Variants in ATRNL1 observed in about 807,000 individuals in gnomAD.
ATRNL1 encodes attractin like 1.
Under a neutral mutation model 182.7 loss-of-function variants are expected in ATRNL1, and 95 were observed. That is an observed-to-expected ratio of 0.52 (90% confidence interval 0.44 to 0.62). The LOEUF (loss-of-function observed/expected upper bound fraction) is 0.62. Among genes scored for constraint, ATRNL1 ranks in the 20% least tolerant of loss-of-function variants. The pLI, the probability that ATRNL1 is intolerant of heterozygous loss-of-function variation, is 0.00. For missense variants in ATRNL1, 1,471 were observed against 1,679.5 expected, an observed-to-expected ratio of 0.88 and a Z score of 2.17; for synonymous variants, 576 against 568.3, an observed-to-expected ratio of 1.01 and a Z score of -0.19.
intron 19 of ATRNL1, among the ~76,000 whole-genome samples, chr10:115,344,478 A>C (rs2134103835): frequency 6.6e-6 from 1 of 152,116 alleles, no homozygotes; most frequent in South Asian, 2.1e-4. Flanking sequence ...AGGGCTCTTA[A>C]GTAAGCTTAT....
rs781928537 is a variant in ATRNL1, at chr10:115,266,804, T to A, written c.1780T>A (p.Tyr594Asn). ...HSAVVINGSM[Y>N]IFGGFSSVLL... ...TTGTTTTGTTTTTAATAGGTCCATG[T>A]ATATATTTGGGGGATTTTCTAGTGT... Residue 594 changes from tyrosine (Y) to asparagine (N), a missense_variant, in exon 12 of 29, where the codon TAT becomes AAT. Tyr to Asn is a moderately radical substitution (Grantham distance 143). Transcript: ENST00000355044. 1 of 1,599,376 alleles carries A rather than the reference T, an allele frequency of 6.3e-7. No homozygotes were observed. Among genetic ancestry groups the A allele is most frequent in the Admixed American group, 1.7e-5 (1 of 59,482 alleles).
chr10:115,909,404 G>A (rs1395053349), intron 28 of ATRNL1: 4 of 152,024 alleles, frequency 2.6e-5, no homozygotes, highest in East Asian at 1.9e-4. Flanking sequence ...CTAAGACAAA[G>A]CCCTTATGAG....
intron 28 of ATRNL1, among the ~76,000 whole-genome samples, chr10:115,937,802 A>G (rs1049242677): frequency 1.3e-5 from 2 of 152,222 alleles, no homozygotes; most frequent in African/African-American, 4.8e-5. Context: ...TAAAAGAACT[A>G]CAAATACAGC....
intron 26 of ATRNL1, among the ~76,000 whole-genome samples, chr10:115,600,768 T>G (rs1278154972): frequency 1.3e-5 from 2 of 152,010 alleles, no homozygotes; most frequent in Admixed American, 6.5e-5. Context: ...GGTTTGTGTT[T>G]TCTTTGTTCT....
chr10:115,341,949 AT>A (rs1227337462), intron 19 of ATRNL1, among the ~76,000 whole-genome samples: 7 of 151,666 alleles, frequency 4.6e-5, no homozygotes, highest in Non-Finnish European at 7.4e-5. Flanking sequence ...ATTATTGAGT[AT>A]TTTTTTTCCA....
At chr10:115,101,809 C>T (rs541022329) in intron 1 of ATRNL1, among the ~76,000 whole-genome samples, 3 of 152,242 alleles carry the variant, frequency 2.0e-5, no homozygotes, top group African/African-American at 7.2e-5. Flanking sequence ...ACCATCGACA[C>T]CCTCTAGGCC....
intron 13 of ATRNL1, among the ~76,000 whole-genome samples, chr10:115,273,901 C>T (rs74159844): frequency 0.021 from 3,121 of 152,214 alleles, 106 homozygotes; most frequent in African/African-American, 0.07. Flanking sequence ...GATAGAGTGC[C>T]GCTGTGCATA....
intron 18 of ATRNL1, among the ~76,000 whole-genome samples, chr10:115,327,176 A>G (rs1554933577): frequency 6.6e-6 from 1 of 151,926 alleles, no homozygotes; most frequent in Admixed American, 6.6e-5. Context: ...AGTTTTCGCA[A>G]CCTACTCATC....
At chr10:115,924,454 G>A (rs1027483757) in intron 28 of ATRNL1, among the ~76,000 whole-genome samples, 9 of 152,090 alleles carry the variant, frequency 5.9e-5, no homozygotes, top group Admixed American at 2.0e-4. Flanking sequence ...TCCTGTTTCA[G>A]TTTTCTGCAT....
At chr10:115,518,739 A>G (rs958115608) in intron 24 of ATRNL1, among the ~76,000 whole-genome samples, 5 of 152,030 alleles carry the variant, frequency 3.3e-5, no homozygotes, top group Admixed American at 6.6e-5. Flanking sequence ...TATGATCTCT[A>G]TAATGTTAAC....
chr10:115,182,999 G>C (rs1847806247), intron 8 of ATRNL1, among the ~76,000 whole-genome samples: 1 of 151,422 alleles, frequency 6.6e-6, no homozygotes, highest in African/African-American at 2.4e-5. Context: ...TATAGAGAAT[G>C]TTGTCTTCTC....
chr10:115,935,727 T>C (rs1002151326), intron 28 of ATRNL1, among the ~76,000 whole-genome samples: 3 of 152,232 alleles, frequency 2.0e-5, no homozygotes, highest in Non-Finnish European at 4.4e-5. Flanking sequence ...AGATAATGAA[T>C]GTAAAAGCAT....
chr10:115,183,310 G>T (rs1163831197), intron 8 of ATRNL1, among the ~76,000 whole-genome samples: 1 of 151,150 alleles, frequency 6.6e-6, no homozygotes, highest in Non-Finnish European at 1.5e-5. Flanking sequence ...CAAAAAGCTA[G>T]AAAAAGAATA....
intron 19 of ATRNL1, among the ~76,000 whole-genome samples, chr10:115,367,613 AGTTTTTCTGTTCT>A (rs1857123138): frequency 1.3e-5 from 2 of 151,222 alleles, no homozygotes; most frequent in Non-Finnish European, 3.0e-5. Context: ...TAGAGTTTCC[AGTTTTTCTGTTCT>A]GTTTTTTCCC....
At chr10:115,822,611 C>T (rs183054637) in intron 27 of ATRNL1, among the ~76,000 whole-genome samples, 23 of 152,112 alleles carry the variant, frequency 1.5e-4, no homozygotes, top group African/African-American at 4.3e-4. Flanking sequence ...CACCACTGAT[C>T]GCACAGAAAT....
chr10:115,511,605 GA>G (rs1565118439), intron 24 of ATRNL1, among the ~76,000 whole-genome samples: 1 of 151,680 alleles, frequency 6.6e-6, no homozygotes, highest in Non-Finnish European at 1.5e-5. Flanking sequence ...CATAAAATAA[GA>G]AATTTTCTCC....
intron 26 of ATRNL1, among the ~76,000 whole-genome samples, chr10:115,671,062 A>G (rs1328010252): frequency 1.3e-5 from 2 of 152,162 alleles, no homozygotes; most frequent in African/African-American, 4.8e-5. Flanking sequence ...GCTGATGCAC[A>G]TGCTTAGGGA....
chr10:115,259,378 C>T (rs1053740107), intron 10 of ATRNL1, among the ~76,000 whole-genome samples: 13 of 150,534 alleles, frequency 8.6e-5, no homozygotes, highest in South Asian at 8.3e-4. Context: ...CTCAGACTGC[C>T]GTGCTAGCAG....
intron 26 of ATRNL1, among the ~76,000 whole-genome samples, chr10:115,591,844 T>C (rs1592912699): frequency 6.6e-6 from 1 of 152,174 alleles, no homozygotes; most frequent in Non-Finnish European, 1.5e-5. Flanking sequence ...AGAAAATAAA[T>C]TGTTCTACCA....
Sources: allele counts gnomAD v4.1 joint callset (sites outside exome capture counted in the v4.1 genomes callset), GRCh38; gene constraint gnomAD v4.1.1; transcripts MANE v1.5; gene names NCBI Gene and HGNC (gene_info 2026-07-23, HGNC 2026-07-21).